The following SNX9 variants were observed in gnomAD, a reference collection of about 807,000 sequenced individuals.
SNX9 encodes sorting nexin 9, also known as sorting nexin-9.
Under a neutral mutation model 89.4 loss-of-function variants are expected in SNX9, and 44 were observed. The observed-to-expected ratio is 0.49, with a 90% confidence interval of 0.39 to 0.63. SNX9 has a LOEUF of 0.63. Among genes scored for constraint, SNX9 ranks in the 30% least tolerant of loss-of-function variants. SNX9 has a pLI of 0.00. For synonymous variants in SNX9, 236 were observed against 247.8 expected (o/e 0.95, Z 0.45); for missense variants, 578 against 736.1 (o/e 0.79, Z 2.49).
chr6:157,871,926 G>T (rs1182434791), intron 2 of SNX9, among the ~76,000 whole-genome samples: 2 of 151,826 alleles, frequency 1.3e-5, no homozygotes, highest in Non-Finnish European at 2.9e-5. Flanking sequence ...ACAGGTGTGA[G>T]CCACTGTACC....
At chr6:157,865,552 C>T (rs1782244236) in intron 1 of SNX9, among the ~76,000 whole-genome samples, 1 of 152,170 alleles carries the variant, frequency 6.6e-6, no homozygotes, top group Admixed American at 6.5e-5. Context: ...TGTCTTGACT[C>T]ACAGGCTTTC....
chr6:157,889,248 T>A (rs528425800), intron 4 of SNX9, among the ~76,000 whole-genome samples: 1 of 152,044 alleles, frequency 6.6e-6, no homozygotes, highest in South Asian at 2.1e-4. Flanking sequence ...CTGGCCAACA[T>A]GGTGAAACCC....
intron 2 of SNX9, among the ~76,000 whole-genome samples, chr6:157,872,332 A>G (rs1416133639): frequency 6.6e-6 from 1 of 152,200 alleles, no homozygotes; most frequent in Non-Finnish European, 1.5e-5. Context: ...TTAGTTTATT[A>G]ATATTATTTA....
chr6:157,917,432 CTT>C (rs1051413689), intron 9 of SNX9, among the ~76,000 whole-genome samples: 2 of 152,146 alleles, frequency 1.3e-5, no homozygotes, highest in African/African-American at 4.8e-5. Context: ...ATGCTAAAAA[CTT>C]TCCTCTAAGC....
chr6:157,840,263 C>G (rs1781670708), intron 1 of SNX9, among the ~76,000 whole-genome samples: 2 of 151,962 alleles, frequency 1.3e-5, no homozygotes, highest in Non-Finnish European at 1.5e-5. Context: ...ACAGTGAGGC[C>G]AGAGCTGAGG....
intron 1 of SNX9, among the ~76,000 whole-genome samples, chr6:157,824,731 A>G (rs1781308597): frequency 6.6e-6 from 1 of 152,144 alleles, no homozygotes; most frequent in African/African-American, 2.4e-5. Flanking sequence ...TACTGAAATA[A>G]TTACCTTCTT....
intron 4 of SNX9, among the ~76,000 whole-genome samples, chr6:157,888,855 G>A (rs1782792436): frequency 6.6e-6 from 1 of 152,170 alleles, no homozygotes; most frequent in South Asian, 2.1e-4. Context: ...GCCTCTTAGA[G>A]GAGGCTTGAT....
intron 2 of SNX9, among the ~76,000 whole-genome samples, chr6:157,871,382 A>C (rs1184167079): frequency 6.6e-6 from 1 of 152,142 alleles, no homozygotes; most frequent in Non-Finnish European, 1.5e-5. Context: ...CAGTGTCTCA[A>C]AAAAAAGAAA....
At chr6:157,909,283 T>C (rs1368095808) in intron 7 of SNX9, among the ~76,000 whole-genome samples, 1 of 152,246 alleles carries the variant, frequency 6.6e-6, no homozygotes, top group Non-Finnish European at 1.5e-5. Flanking sequence ...TGTAATGTTA[T>C]ATTTCACCAA....
At chr6:157,892,133 A>G (rs1277888757) in intron 4 of SNX9, among the ~76,000 whole-genome samples, 1 of 152,138 alleles carries the variant, frequency 6.6e-6, no homozygotes, top group Non-Finnish European at 1.5e-5. Flanking sequence ...GGTGGAAGGA[A>G]AGGACAGAGA....
At chr6:157,869,801 CGTGCACCCATGT>C (rs1377821399) in intron 2 of SNX9, among the ~76,000 whole-genome samples, 1 of 152,034 alleles carries the variant, frequency 6.6e-6, no homozygotes, top group Non-Finnish European at 1.5e-5. Flanking sequence ...GGCACACACA[CGTGCACCCATGT>C]ACGTACTCTC....
intron 1 of SNX9, among the ~76,000 whole-genome samples, chr6:157,832,146 T>G (rs1781489887): frequency 6.6e-6 from 1 of 152,214 alleles, no homozygotes. Flanking sequence ...TTTTTCTAAG[T>G]TATTTGTAGT....
intron 1 of SNX9, among the ~76,000 whole-genome samples, chr6:157,824,785 C>G (rs1583183583): frequency 6.6e-6 from 1 of 152,234 alleles, no homozygotes. Context: ...TTTATTAATG[C>G]GATAGAACTT....
At chr6:157,905,246 C>T (rs987442527) in intron 6 of SNX9, among the ~76,000 whole-genome samples, 1 of 152,098 alleles carries the variant, frequency 6.6e-6, no homozygotes, top group Admixed American at 6.5e-5. Context: ...GACACGGGCC[C>T]CTGAGAGCAT....
Position 157,823,457 on chromosome 6 carries a change from CG to C in SNX9, c.12+12del. 8.2e-7 allele frequency: 1 copy of C among 1,218,240 alleles called. No individual in the cohort carries two copies. The highest frequency in any genetic ancestry group is 1.0e-6 in the Non-Finnish European group (1 of 982,062). The allele number at this position is 1,218,240 out of a possible 1,614,324, so 75.5% of individuals were successfully genotyped here. ...GCCATGGCCACCAAGGTGAGGGGCGCGCGGCGCAGGCCGGGCCGGTCGCTCA... is the reference window on the plus strand; with the variant it reads ...GCCATGGCCACCAAGGTGAGGGGCGCCGGCGCAGGCCGGGCCGGTCGCTCA... On this transcript the variant is annotated intron_variant, in intron 1 of 17. Transcript: ENST00000392185. This position sits in a 1 kb window ranked among gnomAD's most constrained non-coding sequence, Gnocchi z 4.6.
intron 1 of SNX9, among the ~76,000 whole-genome samples, chr6:157,846,214 T>C (rs948174034): frequency 1.3e-5 from 2 of 152,276 alleles, no homozygotes; most frequent in African/African-American, 4.8e-5. Context: ...TCCATTTTTA[T>C]GTAATAAACT....
At chr6:157,920,088 C>T (rs1465349331) in intron 9 of SNX9, among the ~76,000 whole-genome samples, 1 of 152,150 alleles carries the variant, frequency 6.6e-6, no homozygotes, top group African/African-American at 2.4e-5. Context: ...TAAGTTGGGG[C>T]TCCTGTCCTC....
chr6:157,839,977 C>T (rs1012264541), intron 1 of SNX9, among the ~76,000 whole-genome samples: 2 of 152,122 alleles, frequency 1.3e-5, no homozygotes, highest in Non-Finnish European at 2.9e-5. Context: ...CATGGTTTCA[C>T]TAGGGTTCTG....
chr6:157,925,118 C>G (rs1379194994), intron 10 of SNX9, among the ~76,000 whole-genome samples: 1 of 152,064 alleles, frequency 6.6e-6, no homozygotes, highest in Non-Finnish European at 1.5e-5. Context: ...AAGATACTTG[C>G]AACATATATA....
Sources: gnomAD v4.1 joint callset for allele counts (sites outside exome capture counted in the v4.1 genomes callset) on GRCh38, gnomAD v4.1.1 for gene constraint, Gnocchi (gnomAD v3.1) non-coding constraint, MANE v1.5 for transcripts, NCBI Gene and HGNC (gene_info 2026-07-23, HGNC 2026-07-21) for gene names.